Variants in MAST4 observed in about 807,000 individuals in gnomAD.
The protein encoded by MAST4 is microtubule-associated serine/threonine-protein kinase 4.
A neutral mutation model predicts 162.7 loss-of-function variants in MAST4; 89 were observed. The ratio of observed to expected loss-of-function variants is 0.55; its 90% CI spans 0.46 to 0.65. The LOEUF (loss-of-function observed/expected upper bound fraction) is 0.65, where lower values mean the gene tolerates loss of function less well. Among genes scored for constraint, MAST4 ranks in the 30% least tolerant of loss-of-function variants. The probability of loss-of-function intolerance (pLI) is 0.00; values close to 1 mark genes in which losing one functional copy is unlikely to be tolerated. For synonymous variants in MAST4, 1,479 were observed against 1,361.1 expected (o/e 1.09, Z -1.91); for missense variants, 3,153 against 3,374.0 (o/e 0.93, Z 1.62).
chr5:67,164,139 G>T lies in MAST4; in HGVS notation c.4960G>T (p.Asp1654Tyr). 6.2e-7 allele frequency: 1 copy of T among 1,605,460 alleles called. No homozygotes were observed. Among genetic ancestry groups the T allele is most frequent in the South Asian group, 1.1e-5 (1 of 89,538 alleles). The change falls in exon 29 of 29, where the codon GAC (aspartate) becomes TAC (tyrosine). Residue 1654 changes from aspartate (D) to tyrosine (Y), a missense_variant. Physicochemically the swap from Asp to Tyr is radical, Grantham distance 160 (BLOSUM62 -3). Transcript: ENST00000403625. The surrounding 1 kb of genome is among the most constrained non-coding windows in gnomAD (Gnocchi z 5.3). Reference sequence around the variant, plus strand: ...CCAGGATGGTCTCTGCCACTCCCTCGACAGGGGCATCTCTGGGAAGGGGGA... The same window carrying T: ...CCAGGATGGTCTCTGCCACTCCCTCTACAGGGGCATCTCTGGGAAGGGGGA... ...TLQDGLCHSL[D>Y]RGISGKGEGT...
rs2151140735 is a variant in MAST4 at position 67,165,989 on chromosome 5, G to A, written c.6810G>A (p.Gly2270=). The part of the protein sequence containing the change: ...ASDGIGQGEG[G]PSVPLHTDRA... ...ATGGGATTGGCCAGGGAGAAGGTGG[G>A]CCCTCTGTCCCACTGCACACTGACA... is the stretch of plus-strand genomic sequence containing the variant. Residue 2270 remains glycine, a synonymous_variant, in exon 29 of 29, where the codon GGG becomes GGA. Coordinates refer to ENST00000403625, the MANE Select transcript of MAST4 (RefSeq NM_001164664.2). The A allele has an allele frequency of 6.2e-7, 1 of 1,613,518 alleles. No individual in the cohort carries two copies. The highest frequency in any genetic ancestry group is 2.2e-5 in the East Asian group (1 of 44,866).
intron 1 of MAST4, among the ~76,000 whole-genome samples, 165 bp downstream of exon 1, chr5:66,597,183 CT>C (rs1742241937): frequency 6.6e-6 from 1 of 152,196 alleles, no homozygotes; most frequent in Admixed American, 6.5e-5. Context: ...AGGAGCCCCC[CT>C]GTGGGTTATT....
intron 4 of MAST4, among the ~76,000 whole-genome samples, chr5:67,049,008 C>CACACACACAT (rs1362965159): frequency 2.9e-5 from 3 of 104,524 alleles, no homozygotes; most frequent in African/African-American, 1.2e-4. Context: ...TATACACACA[C>CACACACACAT]ATATATATAT....
intron 9 of MAST4, among the ~76,000 whole-genome samples, chr5:67,102,928 G>A (rs1046361622): frequency 1.3e-5 from 2 of 152,154 alleles, no homozygotes; most frequent in African/African-American, 2.4e-5. Context: ...TGTGCACTCT[G>A]TACCCATATT....
chr5:66,723,072 A>C (rs1042553859), intron 1 of MAST4, among the ~76,000 whole-genome samples: 2 of 152,120 alleles, frequency 1.3e-5, no homozygotes, highest in African/African-American at 4.8e-5. Context: ...TTCTGGCAGT[A>C]ATTTGTGCTT....
intron 21 of MAST4, 58 bp downstream of exon 21, chr5:67,142,591 A>G: frequency 8.6e-7 from 1 of 1,162,352 alleles, no homozygotes; most frequent in South Asian, 1.3e-5. Context: ...CCCGCTGGCC[A>G]GATAGTATCC....
chr5:67,030,341 A>C (rs1755155187), intron 4 of MAST4, among the ~76,000 whole-genome samples: 1 of 152,078 alleles, frequency 6.6e-6, no homozygotes, highest in South Asian at 2.1e-4. Flanking sequence ...TTCTTTTTAA[A>C]CTTTGGCTTG....
chr5:66,814,354 A>T (rs917767780), intron 3 of MAST4, among the ~76,000 whole-genome samples: 1 of 151,954 alleles, frequency 6.6e-6, no homozygotes, highest in African/African-American at 2.4e-5. Context: ...TCGGGCAAGC[A>T]TTTTCCTGTT....
At chr5:67,018,144 C>T (rs1303694745) in intron 4 of MAST4, among the ~76,000 whole-genome samples, 1 of 152,064 alleles carries the variant, frequency 6.6e-6, no homozygotes, top group Admixed American at 6.6e-5. Context: ...AGTTAGATTA[C>T]ATGGTGATAT....
At chr5:66,848,056 A>T (rs1287809935) in intron 3 of MAST4, among the ~76,000 whole-genome samples, 1 of 152,106 alleles carries the variant, frequency 6.6e-6, no homozygotes, top group Non-Finnish European at 1.5e-5. Flanking sequence ...ATATTGTTTA[A>T]GTCACTGTGA....
chr5:66,763,119 C>A (rs1038652524), intron 2 of MAST4, among the ~76,000 whole-genome samples: 4 of 152,192 alleles, frequency 2.6e-5, no homozygotes, highest in Non-Finnish European at 5.9e-5. Flanking sequence ...AGGTCACAGT[C>A]CTCACAACAG....
rs71610552 is a variant in MAST4, at chr5:67,060,475, A to ATTT, written c.763+6003_763+6005dup. 5.2e-3 allele frequency among the ~76,000 whole-genome samples: 622 copies of ATTT among 120,546 alleles called. 7 individuals carry two copies. Among genetic ancestry groups the ATTT allele is most frequent in the Non-Finnish European group, 6.8e-3 (403 of 59,582 alleles). 79.1% of individuals were successfully genotyped at this position (120,546 alleles called of 152,430 possible). A position where few individuals can be genotyped will look rare whatever the true frequency, so the allele number is the denominator to read the frequency against. On this transcript the variant is annotated intron_variant, in intron 5 of 28. Transcript: ENST00000403625. ...CAGAGATACTCCTGGGAGTATCACA[A>ATTT]TTTTTTTTTTTTTTTTTTTTTTGAG...
At chr5:66,921,211 C>T (rs1048078686) in intron 4 of MAST4, among the ~76,000 whole-genome samples, 1 of 151,996 alleles carries the variant, frequency 6.6e-6, no homozygotes, top group Admixed American at 6.5e-5. Context: ...TGTTAGAGCC[C>T]CTAAGTCTGA....
At chr5:66,723,646 A>G (rs1751350402) in intron 1 of MAST4, among the ~76,000 whole-genome samples, 1 of 152,150 alleles carries the variant, frequency 6.6e-6, no homozygotes, top group Admixed American at 6.5e-5. Flanking sequence ...AGCTTTCATT[A>G]TGGCTTTATG....
At chr5:66,974,547 A>G (rs1207257541) in intron 4 of MAST4, among the ~76,000 whole-genome samples, 1 of 152,248 alleles carries the variant, frequency 6.6e-6, no homozygotes, top group Non-Finnish European at 1.5e-5. Context: ...ACAACGCGTT[A>G]CAAATGACAC....
intron 4 of MAST4, among the ~76,000 whole-genome samples, chr5:66,911,555 A>C (rs1451718405): frequency 3.9e-4 from 17 of 44,030 alleles, no homozygotes; most frequent in South Asian, 1.7e-3. Flanking sequence ...ACAAACAACA[A>C]CAACCCCCCC....
At chr5:66,990,201 C>G (rs1749916949) in intron 4 of MAST4, among the ~76,000 whole-genome samples, 1 of 152,116 alleles carries the variant, frequency 6.6e-6, no homozygotes, top group South Asian at 2.1e-4. Context: ...ATTTTAAATA[C>G]TTAAAAAATA....
chr5:67,127,670 T>C (rs962373675), intron 14 of MAST4, among the ~76,000 whole-genome samples: 5 of 152,184 alleles, frequency 3.3e-5, no homozygotes, highest in Non-Finnish European at 7.4e-5. Context: ...TTTTCTGTGC[T>C]CCTTTATATA....
chr5:67,144,621 A>G (rs1298434525), intron 21 of MAST4, 48 bp from the exon 22 acceptor site: 10 of 1,591,422 alleles, frequency 6.3e-6, no homozygotes, highest in Non-Finnish European at 8.6e-6. Flanking sequence ...TTTTTCTGAC[A>G]AACTCTTTTT....
Sources: gnomAD v4.1 joint callset for allele counts (sites outside exome capture counted in the v4.1 genomes callset) on GRCh38, gnomAD v4.1.1 for gene constraint, Gnocchi (gnomAD v3.1) non-coding constraint, MANE v1.5 for transcripts, NCBI Gene and HGNC (gene_info 2026-07-23, HGNC 2026-07-21) for gene names.